Variants in ZDHHC11 observed in about 807,000 individuals in gnomAD.
ZDHHC11 encodes the protein palmitoyltransferase ZDHHC11.
Under a neutral mutation model 51.3 loss-of-function variants are expected in ZDHHC11, and 44 were observed. The observed-to-expected ratio is 0.86, with a 90% CI of 0.67 to 1.10. The LOEUF is 1.10. ZDHHC11 is among the 50% of genes least tolerant of loss of function. The probability of loss-of-function intolerance (pLI) is 0.00; values close to 1 mark genes in which losing one functional copy is unlikely to be tolerated. For synonymous variants in ZDHHC11, 163 were observed against 222.0 expected, an observed-to-expected ratio of 0.73 and a Z score of 2.36; for missense variants, 400 against 537.7, an observed-to-expected ratio of 0.74 and a Z score of 2.53.
At chr5:835,725 A>G (rs1451455894) in intron 6 of ZDHHC11, among the ~76,000 whole-genome samples, 64 of 152,112 alleles carry the variant, frequency 4.2e-4, no homozygotes, top group African/African-American at 1.5e-3. Flanking sequence ...TTTCCAATCT[A>G]TGAATGCTGT....
intron 11 of ZDHHC11, among the ~76,000 whole-genome samples, chr5:805,814 T>C (rs1247521532): frequency 6.6e-6 from 1 of 151,190 alleles, no homozygotes; most frequent in Non-Finnish European, 1.5e-5. Flanking sequence ...TTAAAGGAGG[T>C]TGTCTTCCTT....
chr5:823,188 G>A (rs1355894952), intron 8 of ZDHHC11, among the ~76,000 whole-genome samples: 3 of 151,192 alleles, frequency 2.0e-5, no homozygotes, highest in Non-Finnish European at 4.4e-5. Context: ...TCAAAGAAGA[G>A]TTTGCCTAAC....
At chr5:859,153 T>C (rs2150532132), upstream of ZDHHC11, among the ~76,000 whole-genome samples, 1 of 152,196 alleles carries the variant, frequency 6.6e-6, no homozygotes, top group Non-Finnish European at 1.5e-5. Flanking sequence ...ACAAGGTGGC[T>C]TGATCCGGTT....
chr5:853,128 G>A (rs773642043), upstream of ZDHHC11, among the ~76,000 whole-genome samples: 18 of 149,350 alleles, frequency 1.2e-4, no homozygotes, highest in Non-Finnish European at 2.4e-4. Context: ...AATTAGCAGC[G>A]GGGACAGACC....
chr5:828,231 C>G (rs982581731), intron 7 of ZDHHC11, among the ~76,000 whole-genome samples: 1 of 151,458 alleles, frequency 6.6e-6, no homozygotes, highest in South Asian at 2.1e-4. Flanking sequence ...CATCATGGCC[C>G]GTTCTCAGTG....
chr5:820,267 A>G (rs983777233), intron 9 of ZDHHC11, among the ~76,000 whole-genome samples: 9 of 151,670 alleles, frequency 5.9e-5, no homozygotes, highest in African/African-American at 1.7e-4. Context: ...GGATCTACAC[A>G]GTAGTTTTGC....
At chr5:842,794 AG>A (rs1229931370) in intron 4 of ZDHHC11, 2 of 761,740 alleles carry the variant, frequency 2.6e-6, no homozygotes, top group Admixed American at 1.2e-4. Flanking sequence ...CTGCCTCCGC[AG>A]GGTCCAGGGA....
chr5:845,565 TC>T (rs1746011750), intron 3 of ZDHHC11, among the ~76,000 whole-genome samples: 1 of 152,154 alleles, frequency 6.6e-6, no homozygotes, highest in Non-Finnish European at 1.5e-5. Flanking sequence ...CTGCCTTCTT[TC>T]CGTCCCCCTT....
intron 11 of ZDHHC11, among the ~76,000 whole-genome samples, chr5:802,825 C>CAAAAAAAA (rs70957306): frequency 5.2e-5 from 1 of 19,116 alleles, no homozygotes; most frequent in East Asian, 9.1e-4. Context: ...TACAAAAATA[C>CAAAAAAAA]AAAAAAAAAA....
chr5:841,606 G>A (rs1744981622), intron 4 of ZDHHC11: 2 of 994,744 alleles, frequency 2.0e-6, no homozygotes, highest in Non-Finnish European at 2.4e-6. Context: ...CTTGCTCATG[G>A]CCCACTCTGT....
chr5:799,737 C>G (rs1738139965), intron 12 of ZDHHC11, among the ~76,000 whole-genome samples: 2 of 151,722 alleles, frequency 1.3e-5, no homozygotes, highest in Non-Finnish European at 2.9e-5. Context: ...CAAGTTGTAG[C>G]TTCTTAAGTT....
intron 11 of ZDHHC11, among the ~76,000 whole-genome samples, chr5:810,630 G>C (rs1375763656): frequency 1.3e-5 from 2 of 151,396 alleles, no homozygotes; most frequent in African/African-American, 4.8e-5. Context: ...TGAAGTAAAA[G>C]GCTGTGAGTG....
chr5:845,291 T>C (rs1314652727), intron 3 of ZDHHC11, among the ~76,000 whole-genome samples: 2 of 152,278 alleles, frequency 1.3e-5, no homozygotes, highest in Admixed American at 6.5e-5. Context: ...TTGAGCCCAC[T>C]TGTGGGGAGT....
At chr5:825,782 C>T (rs1404108740) in intron 7 of ZDHHC11, among the ~76,000 whole-genome samples, 1 of 152,272 alleles carries the variant, frequency 6.6e-6, no homozygotes, top group African/African-American at 2.4e-5. Flanking sequence ...GGCTGGAGGC[C>T]AGTCAGCTCA....
chr5:828,546 A>G (rs1043801739), intron 7 of ZDHHC11, among the ~76,000 whole-genome samples: 2 of 151,390 alleles, frequency 1.3e-5, no homozygotes, highest in Non-Finnish European at 3.0e-5. Context: ...TGAAAACACA[A>G]TTATAGTGAC....
At chr5:834,553 CTCTT>C (rs1481389803) in intron 6 of ZDHHC11, among the ~76,000 whole-genome samples, 1 of 152,148 alleles carries the variant, frequency 6.6e-6, no homozygotes, top group African/African-American at 2.4e-5. Context: ...ACTTTGAAAG[CTCTT>C]TGTGTCTTTG....
At position 847,501 on chromosome 5, in the gene ZDHHC11, C is replaced by G. The variant is rs1435683783; in HGVS notation, c.503+13G>C. On this transcript the variant is annotated intron_variant, in intron 3 of 12. Coordinates refer to ENST00000283441, the MANE Select transcript of ZDHHC11 (RefSeq NM_024786.3). ...GCCTGGCCCGTGCCGGCCATCCCCT[C>G]TGTGCCCCTCACCAATAATTCCGGC... The G allele has an allele frequency of 9.6e-7, 1 of 1,046,866 alleles. No individual in the cohort carries two copies. Among genetic ancestry groups the G allele is most frequent in the Non-Finnish European group, 1.4e-6 (1 of 716,544 alleles). The allele number at this position is 1,046,866 out of a possible 1,614,324, so 64.8% of individuals were successfully genotyped here.
rs1354352001 is a variant in ZDHHC11, at chr5:827,810, G to C, written c.936-2559C>G. Among the ~76,000 whole-genome samples, 2 of 150,454 alleles carry C rather than the reference G, an allele frequency of 1.3e-5. 1 individual carries two copies. Among genetic ancestry groups the C allele is most frequent in the African/African-American group, 4.9e-5 (2 of 40,708 alleles). On this transcript the variant is annotated intron_variant, in intron 7 of 12. Transcript: ENST00000283441. ...AGAGGGGGATTTGGCAGGGTCATAG[G>C]ACAATAGTGGAGGGAAGGTCAACAG...
At chr5:804,546 A>AG (rs1454703870) in intron 11 of ZDHHC11, among the ~76,000 whole-genome samples, 1 of 151,370 alleles carries the variant, frequency 6.6e-6, no homozygotes, top group African/African-American at 2.4e-5. Context: ...CTACACCAAG[A>AG]CACATTACAG....
Sources: allele counts gnomAD v4.1 joint callset (sites outside exome capture counted in the v4.1 genomes callset), GRCh38; gene constraint gnomAD v4.1.1; transcripts MANE v1.5; gene names NCBI Gene and HGNC (gene_info 2026-07-23, HGNC 2026-07-21).